The following RELB variants were observed in gnomAD, a reference collection of about 807,000 sequenced individuals.
RELB encodes the protein transcription factor RelB.
Under a neutral mutation model 55.4 loss-of-function variants are expected in RELB, and 14 were observed. That is an observed-to-expected ratio of 0.25 (90% confidence interval 0.17 to 0.40). The LOEUF (loss-of-function observed/expected upper bound fraction) is 0.40. RELB is among the 10% of genes least tolerant of loss of function. RELB has a pLI of 1.00. For synonymous variants in RELB, 409 were observed against 371.3 expected (o/e 1.10, Z -1.17); for missense variants, 669 against 830.7 (o/e 0.81, Z 2.39).
At chr19:45,014,290 C>G (rs905553605) in intron 4 of RELB, among the ~76,000 whole-genome samples, 2 of 151,798 alleles carry the variant, frequency 1.3e-5, no homozygotes, top group Non-Finnish European at 2.9e-5. Flanking sequence ...CCACCTCAGC[C>G]TCCTGAGTTG....
intron 3 of RELB, 102 bp from the exon 4 acceptor site, chr19:45,011,834 G>A (rs1971361141): frequency 2.3e-6 from 1 of 438,620 alleles, no homozygotes; most frequent in Non-Finnish European, 3.8e-6. Context: ...GAGAGAGAGA[G>A]ATAAATGGGA....
At chr19:45,016,233 C>T (rs536697928) in intron 4 of RELB, among the ~76,000 whole-genome samples, 227 of 152,246 alleles carry the variant, frequency 1.5e-3, no homozygotes, top group African/African-American at 5.2e-3. Flanking sequence ...GATCTGCCTG[C>T]CTCAGCCTCC....
intron 2 of RELB, among the ~76,000 whole-genome samples, chr19:45,005,694 C>T (rs1971274140): frequency 6.6e-6 from 1 of 152,198 alleles, no homozygotes. Flanking sequence ...ACCTCCGCCT[C>T]CCAGGTTCAA....
intron 4 of RELB, among the ~76,000 whole-genome samples, chr19:45,021,573 C>CA (rs1555726536): frequency 1.1e-5 from 1 of 91,376 alleles, no homozygotes; most frequent in Non-Finnish European, 2.0e-5. Flanking sequence ...TCAAAGTGGC[C>CA]TTTTTTTTTT....
intron 4 of RELB, among the ~76,000 whole-genome samples, chr19:45,015,132 C>T (rs768593237): frequency 2.0e-5 from 3 of 150,762 alleles, no homozygotes; most frequent in Non-Finnish European, 3.0e-5. Flanking sequence ...CAAACTCCTG[C>T]CCTCAGGTAA....
chr19:45,020,830 T>G (rs886606629), intron 4 of RELB, among the ~76,000 whole-genome samples: 1 of 152,040 alleles, frequency 6.6e-6, no homozygotes, highest in Non-Finnish European at 1.5e-5. Flanking sequence ...GTGCTGGGAT[T>G]ACAGGCGTGA....
chr19:45,021,209 C>T (rs962492415), intron 4 of RELB, among the ~76,000 whole-genome samples: 2 of 151,948 alleles, frequency 1.3e-5, no homozygotes, highest in Non-Finnish European at 2.9e-5. Context: ...CACGGTGACT[C>T]ACGCCTGTAA....
intron 8 of RELB, among the ~76,000 whole-genome samples, chr19:45,031,431 C>T (rs1430063075): frequency 6.6e-6 from 1 of 152,016 alleles, no homozygotes; most frequent in African/African-American, 2.4e-5. Context: ...GGACAGGCAC[C>T]TTTTTTCTCT....
intron 2 of RELB, chr19:45,003,474 C>CAAAAAAAAAAAA: frequency 2.9e-6 from 1 of 340,758 alleles, no homozygotes; most frequent in South Asian, 1.8e-5. Flanking sequence ...GACTCCGACT[C>CAAAAAAAAAAAA]AAAAAAAAAA....
At chr19:45,006,966 A>G (rs1971289651) in intron 2 of RELB, among the ~76,000 whole-genome samples, 1 of 151,864 alleles carries the variant, frequency 6.6e-6, no homozygotes, top group African/African-American at 2.4e-5. Context: ...AAAAAAAAAA[A>G]AAAAAAGAAA....
intron 2 of RELB, among the ~76,000 whole-genome samples, chr19:45,009,130 G>C (rs181545236): frequency 8.0e-4 from 122 of 152,246 alleles, no homozygotes; most frequent in Admixed American, 3.7e-3. Context: ...GTCCAGGCTG[G>C]AGTGCAGTGA....
At chr19:45,028,188 T>C (rs1971580202) in intron 7 of RELB, among the ~76,000 whole-genome samples, 1 of 151,782 alleles carries the variant, frequency 6.6e-6, no homozygotes, top group African/African-American at 2.4e-5. Flanking sequence ...CTGGCAATTT[T>C]TTTTTTCTTT....
At chr19:45,014,645 G>C (rs1971401014) in intron 4 of RELB, among the ~76,000 whole-genome samples, 1 of 150,938 alleles carries the variant, frequency 6.6e-6, no homozygotes, top group South Asian at 2.1e-4. Context: ...AGCCTCCCAA[G>C]TAGCTGGGAT....
At chr19:45,026,562 A>C (rs937902705) in intron 7 of RELB, among the ~76,000 whole-genome samples, 2 of 151,258 alleles carry the variant, frequency 1.3e-5, no homozygotes, top group African/African-American at 4.9e-5. Context: ...AGAAAAAAAA[A>C]CATCAAACCC....
Position 45,023,740 on chromosome 19 carries a change from C to CTT in RELB, c.662+1557_662+1558dup, listed in dbSNP as rs1168078618. ...GGTGTGAGCCCACTGTGCCCAGCCTCTTTTTTTTTTTTTTTTTTTTTTTTT... is the reference window on the plus strand; with the variant it reads ...GGTGTGAGCCCACTGTGCCCAGCCTCTTTTTTTTTTTTTTTTTTTTTTTTTTT... On this transcript the variant is annotated intron_variant, in intron 5 of 11. Transcript: ENST00000221452. Among the ~76,000 whole-genome samples the CTT allele has an allele frequency of 7.4e-3, 285 of 38,392 alleles. 61 individuals carry two copies. The highest frequency in any genetic ancestry group is 9.6e-3 in the Non-Finnish European group (208 of 21,682). The allele number at this position is 38,392 out of a possible 152,430, so 25.2% of individuals were successfully genotyped here.
intron 5 of RELB, among the ~76,000 whole-genome samples, chr19:45,024,248 G>A (rs1390458463): frequency 2.0e-5 from 3 of 151,758 alleles, no homozygotes; most frequent in South Asian, 2.1e-4. Context: ...TGCAAACTCC[G>A]CCTCCCAGGC....
At chr19:45,028,664 G>A (rs757517927) in intron 7 of RELB, among the ~76,000 whole-genome samples, 3 of 152,070 alleles carry the variant, frequency 2.0e-5, no homozygotes, top group Non-Finnish European at 4.4e-5. Flanking sequence ...GACACTCACC[G>A]GGCTTCAGCT....
At position 45,009,801 on chromosome 19, in the gene RELB, C is replaced by T. The variant is rs372470106; in HGVS notation, c.155-13C>T. 2.9e-5 allele frequency: 47 copies of T among 1,599,024 alleles called. No homozygotes were observed. The highest frequency in any genetic ancestry group is 3.8e-5 in the Non-Finnish European group (45 of 1,179,632). ...ACCTTACCTTTCTCTTTCTCTTTCTCTTCCTTCCACAGATGAATTGGGTGA... is the reference window on the plus strand; with the variant it reads ...ACCTTACCTTTCTCTTTCTCTTTCTTTTCCTTCCACAGATGAATTGGGTGA... On this transcript the variant is annotated splice_polypyrimidine_tract_variant and intron_variant, in intron 2 of 11. Transcript: ENST00000221452.
Position 45,008,997 on chromosome 19 carries a change from T to C in RELB, c.155-817T>C, listed in dbSNP as rs144341758. Among the ~76,000 whole-genome samples, 317 of 152,304 alleles carry C rather than the reference T, an allele frequency of 2.1e-3. 1 individual carries two copies. Among genetic ancestry groups the C allele is most frequent in the African/African-American group, 7.0e-3 (291 of 41,580 alleles). ...GGAAGCAGGGGTGAATCTGGGATTTTGGGTGGTCACTGTGGGAGGACAGGG... is the reference window on the plus strand; with the variant it reads ...GGAAGCAGGGGTGAATCTGGGATTTCGGGTGGTCACTGTGGGAGGACAGGG... On this transcript the variant is annotated intron_variant, in intron 2 of 11. Coordinates refer to ENST00000221452, the MANE Select transcript of RELB (RefSeq NM_006509.4).
Sources: gnomAD v4.1 joint callset for allele counts (sites outside exome capture counted in the v4.1 genomes callset) on GRCh38, gnomAD v4.1.1 for gene constraint, MANE v1.5 for transcripts, NCBI Gene and HGNC (gene_info 2026-07-23, HGNC 2026-07-21) for gene names.